The following TBL1Y variants were observed in gnomAD, a reference collection of about 807,000 sequenced individuals.
TBL1Y encodes the protein F-box-like/WD repeat-containing protein TBL1Y.
In TBL1Y, 15 loss-of-function variants were observed where a neutral mutation model predicts 12.0. The ratio of observed to expected loss-of-function variants is 1.25; its 90% CI spans 0.83 to 1.92. The LOEUF is 1.92. Ranked by LOEUF, TBL1Y falls within the 40% of genes most tolerant of loss-of-function variation. The pLI, the probability that TBL1Y is intolerant of heterozygous loss-of-function variation, is 0.00. For synonymous variants in TBL1Y, 53 were observed against 42.6 expected (o/e 1.24, Z -0.95); for missense variants, 148 against 116.7 (o/e 1.27, Z -1.24).
At chrY:6,920,778 A>T in intron 2 of TBL1Y, 2 of 33,893 alleles carry the variant, frequency 5.9e-5, no homozygotes, top group Admixed American at 5.4e-4. Flanking sequence ...TTAAATAAAC[A>T]TTGGGATAAA....
chrY:6,941,237 G>A, intron 2 of TBL1Y, among the ~76,000 whole-genome samples: 4 of 33,503 alleles, frequency 1.2e-4, no homozygotes, highest in African/African-American at 4.7e-4. Flanking sequence ...TAAAGCTTCT[G>A]TCGGCTGGTT....
intron 3 of TBL1Y, among the ~76,000 whole-genome samples, chrY:6,989,325 T>G: frequency 3.0e-5 from 1 of 33,368 alleles, no homozygotes; most frequent in Non-Finnish European, 7.4e-5. Flanking sequence ...GGAGGCATAG[T>G]GAGCTTCTGT....
At chrY:7,088,387 G>A (rs777884623) in intron 17 of TBL1Y, among the ~76,000 whole-genome samples, 75 of 32,188 alleles carry the variant, frequency 2.3e-3, no homozygotes, top group African/African-American at 4.3e-3. Flanking sequence ...TTCCCCCTGT[G>A]TACTCATGGG....
chrY:6,995,417 A>T, intron 3 of TBL1Y, among the ~76,000 whole-genome samples: 1 of 32,733 alleles, frequency 3.1e-5, no homozygotes, highest in Non-Finnish European at 7.5e-5. Context: ...GGGTGGCTGA[A>T]GGAATTCTTT....
chrY:7,063,535 C>T (rs2012910645), intron 7 of TBL1Y, among the ~76,000 whole-genome samples: 1 of 32,307 alleles, frequency 3.1e-5, no homozygotes, highest in Non-Finnish European at 7.5e-5. Context: ...CGGAATGAGT[C>T]AGGATGGAGT....
intron 3 of TBL1Y, among the ~76,000 whole-genome samples, chrY:6,981,487 A>T (rs1023302162): frequency 4.2e-4 from 14 of 33,536 alleles, no homozygotes; most frequent in Admixed American, 1.1e-3. Flanking sequence ...CACATTGAGG[A>T]TATCAGTAAA....
At chrY:6,934,452 A>G (rs923145692) in intron 2 of TBL1Y, among the ~76,000 whole-genome samples, 6 of 33,279 alleles carry the variant, frequency 1.8e-4, no homozygotes, top group African/African-American at 3.5e-4. Flanking sequence ...AGCTAATTGT[A>G]TACTTATTTC....
chrY:7,063,150 C>G (rs2012898968), intron 7 of TBL1Y, among the ~76,000 whole-genome samples: 2 of 33,437 alleles, frequency 6.0e-5, no homozygotes, highest in South Asian at 7.0e-4. Flanking sequence ...GAGACAGTCC[C>G]CAGTGGGGAA....
intron 13 of TBL1Y, among the ~76,000 whole-genome samples, chrY:7,075,461 G>A: frequency 8.9e-5 from 3 of 33,623 alleles, no homozygotes; most frequent in Admixed American, 8.0e-4. Flanking sequence ...TTCTTTATTG[G>A]TGTTGCTTTA....
intron 7 of TBL1Y, among the ~76,000 whole-genome samples, chrY:7,055,189 GA>G (rs2012819343): frequency 3.0e-5 from 1 of 33,612 alleles, no homozygotes; most frequent in Non-Finnish European, 7.4e-5. Flanking sequence ...ATGCGCTATG[GA>G]GAGGAAATTT....
At chrY:7,060,041 CA>C (rs2012849655) in intron 7 of TBL1Y, among the ~76,000 whole-genome samples, 1 of 31,754 alleles carries the variant, frequency 3.1e-5, no homozygotes, top group South Asian at 7.8e-4. Flanking sequence ...ATGTCCAGTT[CA>C]CAAAAAAACT....
intron 4 of TBL1Y, among the ~76,000 whole-genome samples, chrY:7,014,305 T>C: frequency 3.0e-5 from 1 of 32,908 alleles, no homozygotes. Flanking sequence ...CCCTCCTGCT[T>C]TTCCCATGTG....
chrY:7,050,144 G>T, intron 7 of TBL1Y, among the ~76,000 whole-genome samples: 1 of 32,478 alleles, frequency 3.1e-5, no homozygotes, highest in African/African-American at 1.2e-4. Context: ...CAGGTTTCTG[G>T]TCAGCTCTAG....
chrY:7,085,635 C>T, intron 14 of TBL1Y, among the ~76,000 whole-genome samples: 3 of 33,753 alleles, frequency 8.9e-5, no homozygotes, highest in African/African-American at 3.4e-4. Context: ...TCCTTCCTAG[C>T]AGGGAAGGTT....
chrY:6,929,636 C>G, intron 2 of TBL1Y, among the ~76,000 whole-genome samples: 1 of 32,941 alleles, frequency 3.0e-5, no homozygotes, highest in African/African-American at 1.2e-4. Flanking sequence ...CTGATGGGAA[C>G]ACTATGGAGT....
chrY:6,930,659 C>T, intron 2 of TBL1Y, among the ~76,000 whole-genome samples: 1 of 33,281 alleles, frequency 3.0e-5, no homozygotes, highest in South Asian at 7.0e-4. Flanking sequence ...TCTGTAAAAA[C>T]GCACCAATCA....
At chrY:6,921,546 G>C (rs2011777995) in intron 2 of TBL1Y, among the ~76,000 whole-genome samples, 1 of 32,914 alleles carries the variant, frequency 3.0e-5, no homozygotes, top group Admixed American at 2.8e-4. Flanking sequence ...TTGTCTGCAT[G>C]TTTCCCTTGA....
rs748106006 is a variant in TBL1Y, at chrY:6,980,261, T to C, written c.-235+2018T>C. Reference sequence around the variant, plus strand: ...CAGTTTGGTTTTATTCTACTTTCTATCTAGGTTCTTGGCACTAGAATGCCT... The same window carrying C: ...CAGTTTGGTTTTATTCTACTTTCTACCTAGGTTCTTGGCACTAGAATGCCT... On this transcript the variant is annotated intron_variant, in intron 3 of 18. Coordinates refer to ENST00000383032, the MANE Select transcript of TBL1Y (RefSeq NM_033284.2). Among the ~76,000 whole-genome samples the C allele has an allele frequency of 8.5e-4, 29 of 34,126 alleles. No homozygotes were observed. The South Asian group carries it at 0.019, about 22-fold the overall frequency. 91.6% of individuals were successfully genotyped at this position (34,126 alleles called of 37,273 possible).
chrY:6,923,990 T>A (rs2124095147), intron 2 of TBL1Y, among the ~76,000 whole-genome samples: 1 of 32,016 alleles, frequency 3.1e-5, no homozygotes, highest in Non-Finnish European at 7.6e-5. Flanking sequence ...AAAAAAAAAA[T>A]TCTTAATTTT....
Sources: gnomAD v4.1 joint callset for allele counts (sites outside exome capture counted in the v4.1 genomes callset) on GRCh38, gnomAD v4.1.1 for gene constraint, MANE v1.5 for transcripts, NCBI Gene and HGNC (gene_info 2026-07-23, HGNC 2026-07-21) for gene names.